ARHGAP15: variants seen among roughly 807,000 people sequenced by gnomAD.
The protein encoded by ARHGAP15 is Rho GTPase activating protein 15, also known as rho GTPase-activating protein 15.
Under a neutral mutation model 63.7 loss-of-function variants are expected in ARHGAP15, and 51 were observed. The ratio of observed to expected loss-of-function variants is 0.80; its 90% CI spans 0.64 to 1.01. The LOEUF is 1.01. Ranked by LOEUF, ARHGAP15 falls within the 50% of genes least tolerant of loss-of-function variation. ARHGAP15 has a pLI of 0.00. For missense variants in ARHGAP15, 560 were observed against 564.6 expected (o/e 0.99, Z 0.08); for synonymous variants, 191 against 193.8 (o/e 0.99, Z 0.12).
At chr2:143,740,621 C>T (rs548329724) in intron 13 of ARHGAP15, among the ~76,000 whole-genome samples, 5 of 152,186 alleles carry the variant, frequency 3.3e-5, no homozygotes, top group African/African-American at 4.8e-5. Flanking sequence ...TGCTAACAAG[C>T]GCAGTGTCAA....
chr2:143,507,740 C>T (rs1693385938), intron 9 of ARHGAP15, among the ~76,000 whole-genome samples: 1 of 152,136 alleles, frequency 6.6e-6, no homozygotes, highest in South Asian at 2.1e-4. Context: ...TTCTTCAGAT[C>T]CCATGTGTCC....
chr2:143,708,338 TA>T (rs997995990), intron 13 of ARHGAP15, among the ~76,000 whole-genome samples: 1 of 152,190 alleles, frequency 6.6e-6, no homozygotes, highest in African/African-American at 2.4e-5. Flanking sequence ...GAGGGTAATA[TA>T]ATTATTAATG....
rs186331216 is a variant in ARHGAP15, at chr2:143,578,400, T to C, written c.1003+21915T>C. Among the ~76,000 whole-genome samples, 10 of 152,154 alleles carry C rather than the reference T, an allele frequency of 6.6e-5. No individual in the cohort carries two copies. In the East Asian group the frequency reaches 1.9e-3, roughly 29 times the overall value. ...AGATTTAACTTTCAACAGGCAAAGG[T>C]AAATATTGAGAGGGCCAGAATAATG... On this transcript the variant is annotated intron_variant, in intron 11 of 13. Transcript: ENST00000295095.
intron 13 of ARHGAP15, among the ~76,000 whole-genome samples, chr2:143,730,494 A>G (rs531755304): frequency 6.6e-6 from 1 of 152,286 alleles, no homozygotes; most frequent in Non-Finnish European, 1.5e-5. Context: ...CCCTTATAAG[A>G]AGGATGCTGC....
chr2:143,138,648 G>T (rs1689240931), intron 1 of ARHGAP15, among the ~76,000 whole-genome samples: 1 of 151,962 alleles, frequency 6.6e-6, no homozygotes, highest in Admixed American at 6.6e-5. Context: ...GTCTCCTCTG[G>T]ATTCTATGTC....
intron 11 of ARHGAP15, among the ~76,000 whole-genome samples, chr2:143,581,169 T>G (rs978601825): frequency 2.0e-5 from 3 of 152,162 alleles, no homozygotes; most frequent in African/African-American, 7.2e-5. Context: ...GATGGACTAA[T>G]TAGCTCCACA....
chr2:143,702,899 A>G (rs1018443209), intron 12 of ARHGAP15, among the ~76,000 whole-genome samples: 2 of 152,110 alleles, frequency 1.3e-5, no homozygotes, highest in African/African-American at 4.8e-5. Context: ...ATCCAGAAAA[A>G]TCTCCCCATC....
intron 3 of ARHGAP15, among the ~76,000 whole-genome samples, chr2:143,203,889 T>C (rs1264330538): frequency 6.6e-6 from 1 of 152,156 alleles, no homozygotes. Flanking sequence ...ACTTCAGTAC[T>C]ATAAATTCTG....
chr2:143,218,730 A>T (rs1426115703), intron 4 of ARHGAP15, among the ~76,000 whole-genome samples: 1 of 152,164 alleles, frequency 6.6e-6, no homozygotes, highest in East Asian at 1.9e-4. Context: ...TTTAATCATC[A>T]TGTGAGCATC....
chr2:143,563,438 G>A (rs1696105231), intron 11 of ARHGAP15, among the ~76,000 whole-genome samples: 1 of 152,130 alleles, frequency 6.6e-6, no homozygotes, highest in Non-Finnish European at 1.5e-5. Context: ...ATCATTACTA[G>A]CCAAATTCAT....
At chr2:143,544,959 T>C (rs901353745) in intron 10 of ARHGAP15, among the ~76,000 whole-genome samples, 4 of 152,318 alleles carry the variant, frequency 2.6e-5, no homozygotes, top group South Asian at 4.1e-4. Flanking sequence ...TGTCTCAGCT[T>C]CATCCACTGT....
chr2:143,569,094 A>T (rs547826494), intron 11 of ARHGAP15, among the ~76,000 whole-genome samples: 2 of 152,188 alleles, frequency 1.3e-5, no homozygotes, highest in African/African-American at 4.8e-5. Context: ...GTGAGCCAGC[A>T]TGGCACATGT....
chr2:143,314,258 T>G (rs981721160), intron 6 of ARHGAP15, among the ~76,000 whole-genome samples: 4 of 152,216 alleles, frequency 2.6e-5, no homozygotes, highest in African/African-American at 9.6e-5. Context: ...TGAATTTTAT[T>G]TTATTTTTAA....
chr2:143,500,511 T>C (rs1328487708), intron 9 of ARHGAP15, among the ~76,000 whole-genome samples: 1 of 152,164 alleles, frequency 6.6e-6, no homozygotes, highest in Non-Finnish European at 1.5e-5. Context: ...GTAACATTAG[T>C]GAATAGTGAT....
chr2:143,586,695 G>A (rs1402169923), intron 11 of ARHGAP15, among the ~76,000 whole-genome samples: 3 of 151,280 alleles, frequency 2.0e-5, no homozygotes, highest in Admixed American at 2.0e-4. Context: ...TTTAACTATA[G>A]GTTAACTATT....
At chr2:143,686,325 A>G (rs1450235265) in intron 12 of ARHGAP15, among the ~76,000 whole-genome samples, 1 of 130,106 alleles carries the variant, frequency 7.7e-6, no homozygotes, top group East Asian at 2.7e-4. Context: ...TGGAGGTTGC[A>G]GGGAACCAAG....
chr2:143,197,100 C>A (rs920660169), intron 2 of ARHGAP15, among the ~76,000 whole-genome samples: 3 of 151,862 alleles, frequency 2.0e-5, no homozygotes, highest in Admixed American at 1.3e-4. Context: ...ATATCAGATA[C>A]ATTTTAAAAG....
At chr2:143,433,921 A>G (rs1260919083) in intron 6 of ARHGAP15, among the ~76,000 whole-genome samples, 1 of 152,098 alleles carries the variant, frequency 6.6e-6, no homozygotes, top group Non-Finnish European at 1.5e-5. Context: ...CTAGGACATT[A>G]CTAGTTTTCT....
intron 6 of ARHGAP15, among the ~76,000 whole-genome samples, chr2:143,348,346 G>A (rs937786172): frequency 1.3e-5 from 2 of 152,032 alleles, no homozygotes; most frequent in Non-Finnish European, 2.9e-5. Flanking sequence ...CTGAAATAAT[G>A]TTCTACTCTG....
Sources: gnomAD v4.1 joint callset for allele counts (sites outside exome capture counted in the v4.1 genomes callset) on GRCh38, gnomAD v4.1.1 for gene constraint, MANE v1.5 for transcripts, NCBI Gene and HGNC (gene_info 2026-07-23, HGNC 2026-07-21) for gene names.